Variants in COL21A1 observed in about 807,000 individuals in gnomAD.
COL21A1 encodes collagen alpha-1(XXI) chain.
A neutral mutation model predicts 137.9 loss-of-function variants in COL21A1; 149 were observed. The ratio of observed to expected loss-of-function variants is 1.08; its 90% CI spans 0.95 to 1.24. COL21A1 has a LOEUF of 1.24. Ranked by LOEUF, COL21A1 falls within the 50% of genes most tolerant of loss-of-function variation. The pLI is 0.00. For synonymous variants in COL21A1, 456 were observed against 391.5 expected, an observed-to-expected ratio of 1.16 and a Z score of -1.95; for missense variants, 1,167 against 1,158.4, an observed-to-expected ratio of 1.01 and a Z score of -0.11.
chr6:56,152,537 A>G (rs1164320657), intron 10 of COL21A1, among the ~76,000 whole-genome samples: 1 of 152,204 alleles, frequency 6.6e-6, no homozygotes, highest in Non-Finnish European at 1.5e-5. Context: ...ACACACAGAC[A>G]CCAAAACACA....
At chr6:56,057,941 T>C in intron 29 of COL21A1, 97 bp from the exon 30 acceptor site, 1 of 813,232 alleles carries the variant, frequency 1.2e-6, no homozygotes, top group Non-Finnish European at 1.8e-6. Flanking sequence ...AAAAAAAACC[T>C]TGAATATTTT....
chr6:56,255,720 C>A lies in COL21A1; in HGVS notation c.-38-73064G>T, dbSNP rs551869013. Among the ~76,000 whole-genome samples, 36 of 152,286 alleles carry A rather than the reference C, an allele frequency of 2.4e-4. No individual in the cohort carries two copies. In the South Asian group the frequency reaches 2.9e-3, roughly 12 times the overall value. On this transcript the variant is annotated intron_variant, in intron 1 of 28. Coordinates refer to the COL21A1 transcript ENST00000370819. ...GCTGTGGCAGAGTCATCTTCTGGAA[C>A]CTGTGTATCTGAAAGATGTGGCTTC...
At chr6:56,324,863 C>A (rs1250227400) in intron 1 of COL21A1, among the ~76,000 whole-genome samples, 2 of 151,810 alleles carry the variant, frequency 1.3e-5, no homozygotes, top group Admixed American at 1.3e-4. Flanking sequence ...GGTCAGTAAA[C>A]CTAGGAAGGA....
At chr6:56,129,699 T>TGTGTGTGTGTGTGTGTGAGA (rs1450514214) in intron 12 of COL21A1, among the ~76,000 whole-genome samples, 2 of 120,440 alleles carry the variant, frequency 1.7e-5, no homozygotes, top group African/African-American at 6.2e-5. Context: ...TGTGTGTGTG[T>TGTGTGTGTGTGTGTGTGAGA]GAGAGAGAGA....
intron 1 of COL21A1, 112 bp from the exon 2 acceptor site, chr6:56,182,768 A>G: frequency 1.7e-6 from 1 of 592,794 alleles, no homozygotes; most frequent in East Asian, 2.8e-5. Context: ...TTTTGTGACT[A>G]TTAGAATTAA....
intron 1 of COL21A1, among the ~76,000 whole-genome samples, chr6:56,203,587 A>G (rs1281530656): frequency 3.9e-5 from 6 of 152,230 alleles, no homozygotes; most frequent in African/African-American, 2.4e-5. Flanking sequence ...GTCAAAATCT[A>G]CTGGGATTAG....
At chr6:56,161,445 G>T (rs1323158965) in intron 9 of COL21A1, among the ~76,000 whole-genome samples, 1 of 152,108 alleles carries the variant, frequency 6.6e-6, no homozygotes, top group African/African-American at 2.4e-5. Context: ...CTTTCTCGCA[G>T]AACAGAAGCG....
intron 1 of COL21A1, among the ~76,000 whole-genome samples, chr6:56,271,212 C>T (rs1316166682): frequency 1.3e-5 from 2 of 152,180 alleles, no homozygotes; most frequent in Non-Finnish European, 1.5e-5. Flanking sequence ...AGATGAGGAA[C>T]TTACTGGAAC....
At chr6:56,076,409 T>G (rs1303905408) in intron 18 of COL21A1, among the ~76,000 whole-genome samples, 2 of 151,308 alleles carry the variant, frequency 1.3e-5, no homozygotes, top group East Asian at 3.9e-4. Context: ...AAGTAATAAA[T>G]AATTAACTGC....
intron 7 of COL21A1, among the ~76,000 whole-genome samples, chr6:56,165,907 T>TACACACACACACACATACACACACAC (rs1561936747): frequency 9.5e-6 from 1 of 105,714 alleles, no homozygotes; most frequent in Non-Finnish European, 2.0e-5. Context: ...GGGGATTGAT[T>TACACACACACACACATACACACACAC]ACACACACAC....
intron 21 of COL21A1, among the ~76,000 whole-genome samples, chr6:56,070,026 A>C (rs1319866942): frequency 6.6e-6 from 1 of 151,446 alleles, no homozygotes; most frequent in Non-Finnish European, 1.5e-5. Context: ...TCTGAAATAA[A>C]GTTTTTTGTT....
At chr6:56,207,260 T>C (rs1779856068) in intron 1 of COL21A1, among the ~76,000 whole-genome samples, 1 of 152,092 alleles carries the variant, frequency 6.6e-6, no homozygotes, top group Admixed American at 6.5e-5. Flanking sequence ...AGCTGGTTTT[T>C]TGAAAAGATC....
At position 56,206,718 on chromosome 6, in the gene COL21A1, A is replaced by ATATATG. The variant is rs1268179848; in HGVS notation, c.-38-24063_-38-24062insCATATA. ...AATAAATATATATATATATATATATATATATATATATATATATATTCTAAT... is the reference window on the plus strand; with the variant it reads ...AATAAATATATATATATATATATATATATATGTATATATATATATATATATTCTAAT... On this transcript the variant is annotated intron_variant, in intron 1 of 29. Transcript: ENST00000244728. 6.1e-4 allele frequency among the ~76,000 whole-genome samples: 12 copies of ATATATG among 19,818 alleles called. No homozygotes were observed. The East Asian group carries it at 0.058, about 96-fold the overall frequency. 13.0% of individuals were successfully genotyped at this position (19,818 alleles called of 152,430 possible).
chr6:56,256,502 TC>T (rs2152329941), intron 1 of COL21A1, among the ~76,000 whole-genome samples: 1 of 152,306 alleles, frequency 6.6e-6, no homozygotes, highest in South Asian at 2.1e-4. Context: ...TCAAATTAGA[TC>T]GTTGAAAACT....
At chr6:56,059,712 A>G (rs1235600801) in intron 28 of COL21A1, among the ~76,000 whole-genome samples, 1 of 152,172 alleles carries the variant, frequency 6.6e-6, no homozygotes, top group Admixed American at 6.5e-5. Context: ...AAGTCAAAAT[A>G]AAGGAAATGG....
chr6:56,138,821 A>G (rs1296251658), intron 12 of COL21A1, among the ~76,000 whole-genome samples: 5 of 152,122 alleles, frequency 3.3e-5, no homozygotes, highest in Admixed American at 6.6e-5. Flanking sequence ...CCTGGTAGCT[A>G]AAGGAAGATA....
chr6:56,124,315 A>G, intron 14 of COL21A1, 23 bp from the exon 15 acceptor site: 1 of 1,583,308 alleles, frequency 6.3e-7, no homozygotes, highest in Non-Finnish European at 8.6e-7. Flanking sequence ...CAAACACTTA[A>G]AACACAATCT....
rs116295977 is a variant in COL21A1, at chr6:56,268,060, G to A, written c.-38-85404C>T. ...GGTCTGGAAGATGGAACCAGAGGCC[G>A]TTCCCAGTATCCCAAAGCTACAGCG... On this transcript the variant is annotated intron_variant, in intron 1 of 28. Transcript: ENST00000370819. Among the ~76,000 whole-genome samples the A allele has an allele frequency of 9.7e-3, 1,477 of 152,252 alleles. 9 individuals are homozygous for A. The highest frequency in any genetic ancestry group is 0.017 in the Middle Eastern group (5 of 294).
At chr6:56,272,138 A>C (rs1763542778) in intron 1 of COL21A1, among the ~76,000 whole-genome samples, 1 of 152,236 alleles carries the variant, frequency 6.6e-6, no homozygotes, top group Non-Finnish European at 1.5e-5. Context: ...ATCCACTGAC[A>C]GCTTGCACCA....
Sources: allele counts gnomAD v4.1 joint callset (sites outside exome capture counted in the v4.1 genomes callset), GRCh38; gene constraint gnomAD v4.1.1; transcripts MANE v1.5; gene names NCBI Gene and HGNC (gene_info 2026-07-23, HGNC 2026-07-21).